PHIP: variants seen among roughly 807,000 people sequenced by gnomAD.
PHIP encodes PH-interacting protein.
In PHIP, 54 loss-of-function variants were observed where a neutral mutation model predicts 236.8. That is an observed-to-expected ratio of 0.23 (90% CI 0.18 to 0.29). The LOEUF (loss-of-function observed/expected upper bound fraction) is 0.29, where lower values mean the gene tolerates loss of function less well. Among genes scored for constraint, PHIP ranks in the 10% least tolerant of loss-of-function variants. The pLI is 1.00. For missense variants in PHIP, 1,370 were observed against 2,190.8 expected (o/e 0.63, Z 7.48); for synonymous variants, 756 against 718.9 (o/e 1.05, Z -0.83).
Position 79,043,948 on chromosome 6 carries a change from G to T in PHIP, c.440-945C>A, listed in dbSNP as rs187748473. The stretch of plus-strand genomic sequence containing the variant: ...TATATACAAAATACTACTTAGCCAA[G>T]GTACAGAGCCCAGTAATTATGCCCT... On this transcript the variant is annotated intron_variant, in intron 6 of 39. Coordinates refer to ENST00000275034, the MANE Select transcript of PHIP (RefSeq NM_017934.7). 6.6e-5 allele frequency among the ~76,000 whole-genome samples: 10 copies of T among 151,176 alleles called. No individual in the cohort carries two copies. The East Asian group carries it at 1.8e-3, about 27-fold the overall frequency.
chr6:79,044,993 A>C (rs1772407251), intron 6 of PHIP, among the ~76,000 whole-genome samples: 1 of 152,206 alleles, frequency 6.6e-6, no homozygotes, highest in East Asian at 1.9e-4. Context: ...GTTACTTTAC[A>C]GTCAAATTTT....
intron 31 of PHIP, among the ~76,000 whole-genome samples, chr6:78,960,063 C>T (rs1207057127): frequency 6.6e-6 from 1 of 152,064 alleles, no homozygotes; most frequent in Non-Finnish European, 1.5e-5. Flanking sequence ...AGCTCACTGA[C>T]ATCGCTCAGC....
intron 35 of PHIP, among the ~76,000 whole-genome samples, chr6:78,952,261 A>T (rs1397287913): frequency 6.6e-6 from 1 of 151,932 alleles, no homozygotes; most frequent in Admixed American, 6.6e-5. Context: ...TCTACTAAAA[A>T]TATACAAATT....
In PHIP at chr6:78,935,449, CTTT is replaced by C. The variant is rs538404381; in HGVS notation, c.*5241_*5243del. 2.3e-4 allele frequency: 219 copies of C among 950,318 alleles called. 1 individual carries two copies. In the South Asian group the frequency reaches 6.4e-3, roughly 28 times the overall value. 58.9% of individuals were successfully genotyped at this position (950,318 alleles called of 1,614,324 possible). On this transcript the variant is annotated 3_prime_UTR_variant, in exon 40 of 40. Coordinates refer to ENST00000275034, the MANE Select transcript of PHIP (RefSeq NM_017934.7). ...TGCAATAACCTTCTTTCCATCATTC[CTTT>C]TTTCCCAGAAATTGCACATTTTTGA...
intron 6 of PHIP, among the ~76,000 whole-genome samples, chr6:79,054,594 C>G (rs1260661192): frequency 2.0e-5 from 3 of 150,914 alleles, no homozygotes; most frequent in African/African-American, 7.3e-5. Flanking sequence ...TATATTATAT[C>G]CTATAATTTG....
At chr6:79,009,198 A>G (rs1214525932) in intron 15 of PHIP, among the ~76,000 whole-genome samples, 2 of 152,112 alleles carry the variant, frequency 1.3e-5, no homozygotes, top group Non-Finnish European at 2.9e-5. Flanking sequence ...CTATGAGATC[A>G]TTTGAAGTCA....
At chr6:79,051,947 CA>C (rs1246965551) in intron 6 of PHIP, among the ~76,000 whole-genome samples, 8 of 151,684 alleles carry the variant, frequency 5.3e-5, no homozygotes, top group Non-Finnish European at 8.8e-5. Flanking sequence ...ACATTTTAAT[CA>C]CTCAATTTTG....
At chr6:78,985,152 T>G (rs1163923911) in intron 22 of PHIP, among the ~76,000 whole-genome samples, 200 bp downstream of exon 22, 1 of 152,124 alleles carries the variant, frequency 6.6e-6, no homozygotes, top group East Asian at 1.9e-4. Flanking sequence ...AAGCATCATT[T>G]TGCAGATCTA....
intron 15 of PHIP, among the ~76,000 whole-genome samples, chr6:79,008,635 A>G (rs1162848890): frequency 6.6e-6 from 1 of 152,080 alleles, no homozygotes; most frequent in African/African-American, 2.4e-5. Context: ...AGTATTTCCC[A>G]AAGTTTACTT....
At chr6:79,075,007 T>G (rs1053776469) in intron 4 of PHIP, among the ~76,000 whole-genome samples, 1 of 152,040 alleles carries the variant, frequency 6.6e-6, no homozygotes, top group Non-Finnish European at 1.5e-5. Flanking sequence ...CCAGGTAGAG[T>G]AGAAACTAAT....
At chr6:78,994,959 T>C (rs1342623864) in intron 19 of PHIP, among the ~76,000 whole-genome samples, 3 of 152,250 alleles carry the variant, frequency 2.0e-5, no homozygotes, top group Non-Finnish European at 4.4e-5. Flanking sequence ...TTAACTTTTA[T>C]ACGCACTTGG....
chr6:79,070,766 C>T (rs1228161488), intron 4 of PHIP, among the ~76,000 whole-genome samples: 1 of 152,174 alleles, frequency 6.6e-6, no homozygotes, highest in Non-Finnish European at 1.5e-5. Context: ...ACTCCTCCTG[C>T]ACACTTTAAA....
At chr6:79,075,265 A>C (rs1191888485) in intron 4 of PHIP, among the ~76,000 whole-genome samples, 1 of 152,120 alleles carries the variant, frequency 6.6e-6, no homozygotes, top group Non-Finnish European at 1.5e-5. Flanking sequence ...CTAGATATAC[A>C]GTTTGATGGA....
intron 24 of PHIP, among the ~76,000 whole-genome samples, chr6:78,975,827 G>A (rs2127712442): frequency 6.7e-6 from 1 of 149,574 alleles, no homozygotes; most frequent in East Asian, 2.0e-4. Context: ...GGGATGTGAA[G>A]GACCTCTTCA....
At chr6:79,002,203 T>C (rs1770039605) in intron 16 of PHIP, 79 bp from the exon 17 acceptor site, 6 of 934,220 alleles carry the variant, frequency 6.4e-6, no homozygotes, top group South Asian at 3.2e-5. Context: ...TCATTTCTAA[T>C]AGAAAGCAAA....
chr6:79,050,810 T>C (rs1341927503), intron 6 of PHIP, among the ~76,000 whole-genome samples: 1 of 152,182 alleles, frequency 6.6e-6, no homozygotes, highest in Non-Finnish European at 1.5e-5. Flanking sequence ...TTACAGTGTA[T>C]GAATGTATAT....
chr6:78,994,232 C>T (rs1375865651), intron 19 of PHIP, among the ~76,000 whole-genome samples: 1 of 152,188 alleles, frequency 6.6e-6, no homozygotes, highest in African/African-American at 2.4e-5. Flanking sequence ...GGAGGCTACT[C>T]TAGTGAATAT....
chr6:78,950,532 G>A (rs547339571), intron 35 of PHIP, among the ~76,000 whole-genome samples: 1 of 152,268 alleles, frequency 6.6e-6, no homozygotes, highest in East Asian at 1.9e-4. Flanking sequence ...TAGGGTTACT[G>A]AGTTATTTGC....
chr6:79,014,007 C>G (rs1456768868), intron 15 of PHIP, among the ~76,000 whole-genome samples: 1 of 147,908 alleles, frequency 6.8e-6, no homozygotes, highest in Non-Finnish European at 1.5e-5. Flanking sequence ...AAAGGAAATC[C>G]ATCCATCACT....
Sources: allele counts gnomAD v4.1 joint callset (sites outside exome capture counted in the v4.1 genomes callset), GRCh38; gene constraint gnomAD v4.1.1; transcripts MANE v1.5; gene names NCBI Gene and HGNC (gene_info 2026-07-23, HGNC 2026-07-21).